Variants in MYH11 observed in about 807,000 individuals in gnomAD.
MYH11 encodes myosin heavy chain 11.
MYH11 carries 80 observed loss-of-function variants against 246.6 expected under a neutral mutation model. The observed-to-expected ratio is 0.32, with a 90% CI of 0.27 to 0.39. The LOEUF is 0.39. Ranked by LOEUF, MYH11 falls within the 10% of genes least tolerant of loss-of-function variation. The pLI, the probability that MYH11 is intolerant of heterozygous loss-of-function variation, is 1.00. For synonymous variants in MYH11, 1,071 were observed against 1,015.5 expected (o/e 1.05, Z -1.04); for missense variants, 2,158 against 2,546.8 (o/e 0.85, Z 3.29).
At chr16:15,766,471 G>C (rs975813489) in intron 9 of MYH11, among the ~76,000 whole-genome samples, 2 of 151,766 alleles carry the variant, frequency 1.3e-5, no homozygotes, top group Non-Finnish European at 2.9e-5. Flanking sequence ...CCCAGGTTCA[G>C]GGGAATTCTC....
intron 22 of MYH11, chr16:15,741,183 T>C: frequency 1.7e-6 from 1 of 582,464 alleles, no homozygotes; most frequent in East Asian, 2.9e-5. Flanking sequence ...TGTTTTGTTA[T>C]GTAGCAATAG....
intron 31 of MYH11, 119 bp from the exon 32 acceptor site, chr16:15,721,753 T>G (rs934957574): frequency 9.6e-7 from 1 of 1,039,680 alleles, no homozygotes; most frequent in Non-Finnish European, 1.5e-6. Context: ...GTGTAAGCAG[T>G]GTAGGTTAGC....
chr16:15,767,729 C>T (rs996573371), intron 9 of MYH11, among the ~76,000 whole-genome samples: 1 of 151,874 alleles, frequency 6.6e-6, no homozygotes. Context: ...CATTTAATGT[C>T]AAGTGTCTTT....
intron 9 of MYH11, among the ~76,000 whole-genome samples, chr16:15,766,378 TGTGTGTGTGTGA>T (rs1257982445): frequency 7.5e-5 from 11 of 146,220 alleles, no homozygotes; most frequent in Non-Finnish European, 1.2e-4. Context: ...TGTGTGTGTG[TGTGTGTGTGTGA>T]GACTGAGTCT....
chr16:15,808,949 G>A (rs900030505), intron 3 of MYH11, among the ~76,000 whole-genome samples: 4 of 152,050 alleles, frequency 2.6e-5, no homozygotes, highest in Admixed American at 2.0e-4. Flanking sequence ...AAGGGGTGTA[G>A]GAGACAGGAA....
At chr16:15,795,561 A>G (rs1178409638) in intron 4 of MYH11, among the ~76,000 whole-genome samples, 1 of 152,246 alleles carries the variant, frequency 6.6e-6, no homozygotes, top group African/African-American at 2.4e-5. Context: ...CTGTGAGCCA[A>G]GATCACGCCA....
At chr16:15,748,525 C>G (rs1330339411) in intron 16 of MYH11, among the ~76,000 whole-genome samples, 2 of 152,188 alleles carry the variant, frequency 1.3e-5, no homozygotes, top group Non-Finnish European at 2.9e-5. Flanking sequence ...CTCTTCACCA[C>G]CATTGTCTCC....
At chr16:15,843,019 A>T (rs2044095605) in intron 1 of MYH11, among the ~76,000 whole-genome samples, 1 of 152,126 alleles carries the variant, frequency 6.6e-6, no homozygotes, top group South Asian at 2.1e-4. Flanking sequence ...ACATGGAAGA[A>T]TTCCAGCGAA....
intron 1 of MYH11, among the ~76,000 whole-genome samples, chr16:15,854,341 C>T (rs780439572): frequency 6.6e-6 from 1 of 152,164 alleles, no homozygotes; most frequent in Non-Finnish European, 1.5e-5. Flanking sequence ...TGTGCTAAAC[C>T]CTTCATACAC....
At chr16:15,770,094 AG>A (rs35511137) in intron 9 of MYH11, among the ~76,000 whole-genome samples, 6,217 of 152,280 alleles carry the variant, frequency 0.041, 173 homozygotes, top group East Asian at 0.13. Flanking sequence ...CAAGATTAGA[AG>A]CAAAACTGAC....
chr16:15,776,202 TG>T (rs1297686974), intron 7 of MYH11, 26 bp from the exon 8 acceptor site: 1 of 1,503,826 alleles, frequency 6.6e-7, no homozygotes, highest in South Asian at 1.1e-5. Flanking sequence ...TTAGGGATTC[TG>T]GGGATACTGC....
rs747024924 is a variant in MYH11 at position 15,747,617 on chromosome 16, A to G, written c.2364T>C (p.Asp788=). The change falls in exon 19 of 41, where the codon GAT becomes GAC. Residue 788 remains aspartate, a synonymous_variant. Coordinates refer to ENST00000300036, the MANE Select transcript of MYH11 (RefSeq NM_002474.3). The part of the protein sequence containing the change: ...LEEERDLKIT[D]VIMAFQAMCR... ...ACATCGCCTGGAAGGCCATGATGAC[A>G]TCGGTGATCTTCAAATCTCGCTCCT... 5.0e-6 allele frequency: 8 copies of G among 1,613,966 alleles called. No individual in the cohort carries two copies. Among genetic ancestry groups the G allele is most frequent in the Non-Finnish European group, 6.8e-6 (8 of 1,180,012 alleles).
chr16:15,795,076 G>A (rs1184498138), intron 4 of MYH11, among the ~76,000 whole-genome samples: 1 of 151,108 alleles, frequency 6.6e-6, no homozygotes, highest in Non-Finnish European at 1.5e-5. Flanking sequence ...GGCTGACTGA[G>A]GTGGGTGGAT....
At position 15,828,555 on chromosome 16, in the gene MYH11, G is replaced by A. The variant is rs145027183; in HGVS notation, c.346-5144C>T. 2.3e-3 allele frequency among the ~76,000 whole-genome samples: 354 copies of A among 152,294 alleles called. 2 individuals are homozygous for A. Among genetic ancestry groups the A allele is most frequent in the African/African-American group, 7.9e-3 (327 of 41,552 alleles). On this transcript the variant is annotated intron_variant, in intron 2 of 40. Transcript: ENST00000300036. ...CAGCTGTAATCCCAGCACTTCGGGT[G>A]GCCAAGGAGGTCAGATCACTTGAGG...
At chr16:15,788,555 GA>G (rs971514259) in intron 4 of MYH11, among the ~76,000 whole-genome samples, 6 of 151,130 alleles carry the variant, frequency 4.0e-5, no homozygotes, top group East Asian at 1.9e-4. Flanking sequence ...GAAAGAGAAA[GA>G]AAAAAAAAGT....
chr16:15,747,504 C>G, intron 19 of MYH11, 66 bp downstream of exon 19: 1 of 1,593,556 alleles, frequency 6.3e-7, no homozygotes, highest in South Asian at 1.1e-5. Flanking sequence ...ATCAGGGAAT[C>G]AGAACAGAAA....
intron 4 of MYH11, among the ~76,000 whole-genome samples, chr16:15,792,968 C>G (rs2042649474): frequency 6.6e-6 from 1 of 152,184 alleles, no homozygotes; most frequent in Admixed American, 6.5e-5. Flanking sequence ...CTCCTGAGCT[C>G]AAGCGATCAG....
chr16:15,750,281 G>C lies in MYH11; in HGVS notation c.1915C>G (p.Leu639Val). The C allele has an allele frequency of 6.2e-7, 1 of 1,613,884 alleles. No homozygotes were observed. Among genetic ancestry groups the C allele is most frequent in the Non-Finnish European group, 8.5e-7 (1 of 1,179,954 alleles). ...TTCTTGGTCTTGGAGGCGCTGGGCA[G>C]CGAGCTCTCCGTCATCTTGGCCATC... Reference protein sequence around the residue: ...DQMAKMTESSLPSASKTKKGM... With the variant: ...DQMAKMTESSVPSASKTKKGM... Residue 639 changes from leucine (L) to valine (V), a missense_variant, in exon 16 of 41, where the codon CTG (leucine) becomes GTG (valine). Around this residue, in one of 11 missense-constraint regions of MYH11, gnomAD observed 317 missense variants for 507.7 expected, o/e 0.62. Coordinates refer to ENST00000300036, the MANE Select transcript of MYH11 (RefSeq NM_002474.3). The surrounding 1 kb of genome is among the most constrained non-coding windows in gnomAD (Gnocchi z 4.3).
intron 40 of MYH11, among the ~76,000 whole-genome samples, chr16:15,712,194 G>C (rs1299729290): frequency 6.6e-6 from 1 of 152,200 alleles, no homozygotes; most frequent in Non-Finnish European, 1.5e-5. Context: ...AGCATGTTTG[G>C]TGTGAGCTGC....
Sources: gnomAD v4.1 joint callset for allele counts (sites outside exome capture counted in the v4.1 genomes callset) on GRCh38, gnomAD v4.1.1 for gene constraint, gnomAD v4.1.1 regional missense constraint, Gnocchi (gnomAD v3.1) non-coding constraint, MANE v1.5 for transcripts, NCBI Gene and HGNC (gene_info 2026-07-23, HGNC 2026-07-21) for gene names.